The following BPNT2 variants were observed in gnomAD, a reference collection of about 807,000 sequenced individuals.
The protein encoded by BPNT2 is 3'(2'), 5'-bisphosphate nucleotidase 2, also known as Golgi-resident adenosine 3',5'-bisphosphate 3'-phosphatase.
In BPNT2, 11 loss-of-function variants were observed where a neutral mutation model predicts 29.3. The observed-to-expected ratio is 0.38, with a 90% CI of 0.24 to 0.62. The LOEUF (loss-of-function observed/expected upper bound fraction) is 0.62, where lower values mean the gene tolerates loss of function less well. Ranked by LOEUF, BPNT2 falls within the 20% of genes least tolerant of loss-of-function variation. The probability of loss-of-function intolerance (pLI) is 0.62; values close to 1 mark genes in which losing one functional copy is unlikely to be tolerated. For missense variants in BPNT2, 459 were observed against 473.4 expected (o/e 0.97, Z 0.28); for synonymous variants, 195 against 187.7 (o/e 1.04, Z -0.32).
chr8:56,971,197 A>G (rs1339746868), intron 3 of BPNT2, among the ~76,000 whole-genome samples: 2 of 150,662 alleles, frequency 1.3e-5, no homozygotes, highest in African/African-American at 4.9e-5. Context: ...TAAATGATGG[A>G]TGATAATGAG....
chr8:56,971,443 A>T (rs1806028959), intron 3 of BPNT2, among the ~76,000 whole-genome samples: 1 of 152,170 alleles, frequency 6.6e-6, no homozygotes, highest in African/African-American at 2.4e-5. Context: ...CCTTACATCC[A>T]GATATTTTTC....
chr8:56,983,845 T>C (rs1806285190), intron 1 of BPNT2, among the ~76,000 whole-genome samples: 1 of 151,960 alleles, frequency 6.6e-6, no homozygotes, highest in Non-Finnish European at 1.5e-5. Flanking sequence ...ACACAACATT[T>C]TGGGAAGAGG....
chr8:56,992,483 T>C (rs1019755025), intron 1 of BPNT2, among the ~76,000 whole-genome samples: 6 of 152,242 alleles, frequency 3.9e-5, no homozygotes, highest in Middle Eastern at 3.4e-3. Context: ...CTTAAGAAAA[T>C]GTCAACTCCC....
In BPNT2 at chr8:56,960,725, AC is replaced by A. The variant is rs749716007; in HGVS notation, c.*3067del. On this transcript the variant is annotated 3_prime_UTR_variant, in exon 5 of 5. Transcript: ENST00000262644. Reference sequence around the variant, plus strand: ...ACCCAACTCTCTTGTATTTTTTTTTACATTTACATTCTTGAACAATGGGTAG... The same window carrying A: ...ACCCAACTCTCTTGTATTTTTTTTTAATTTACATTCTTGAACAATGGGTAG... The A allele has an allele frequency of 3.9e-5, 6 of 152,050 alleles. No individual in the cohort carries two copies. The highest frequency in any genetic ancestry group is 7.4e-5 in the Non-Finnish European group (5 of 67,988). 9.4% of individuals were successfully genotyped at this position (152,050 alleles called of 1,614,324 possible).
At chr8:56,993,009 CTGAGT>C (rs1161374295) in intron 1 of BPNT2, among the ~76,000 whole-genome samples, 185 bp downstream of exon 1, 1 of 152,206 alleles carries the variant, frequency 6.6e-6, no homozygotes, top group Non-Finnish European at 1.5e-5. Flanking sequence ...GGCACGGGCC[CTGAGT>C]CAGACTACGT....
intron 4 of BPNT2, 78 bp downstream of exon 4, chr8:56,966,113 C>G: frequency 6.6e-7 from 1 of 1,505,062 alleles, no homozygotes; most frequent in Non-Finnish European, 9.2e-7. Context: ...CAAGCATGGA[C>G]AAGCAAATTA....
chr8:56,967,093 C>G, intron 3 of BPNT2: 1 of 455,074 alleles, frequency 2.2e-6, no homozygotes, highest in Non-Finnish European at 4.4e-6. Flanking sequence ...TAAAACTATA[C>G]AAGAGAACAA....
Position 56,993,300 on chromosome 8 carries a change from C to T in BPNT2, c.286G>A (p.Gly96Arg). ...TCCTCGGCTCCCTCGCGCGTCTTCC[C>T]CTTGGACTTCTCGTGGAGGACGTTG... The part of the protein sequence containing the change: ...ESNVLHEKSK[G>R]KTREGAEDKM... Residue 96 changes from glycine (G) to arginine (R), a missense_variant, in exon 1 of 5, where the codon GGG becomes AGG. Gly to Arg is a moderately radical substitution (Grantham distance 125). Coordinates refer to ENST00000262644, the MANE Select transcript of BPNT2 (RefSeq NM_017813.5). 1 of 1,612,274 alleles carries T rather than the reference C, an allele frequency of 6.2e-7. No individual in the cohort carries two copies. The highest frequency in any genetic ancestry group is 8.5e-7 in the Non-Finnish European group (1 of 1,179,954).
intron 2 of BPNT2, among the ~76,000 whole-genome samples, chr8:56,979,425 G>T (rs910577314): frequency 6.6e-6 from 1 of 152,096 alleles, no homozygotes; most frequent in African/African-American, 2.4e-5. Flanking sequence ...AAAGTTCTGT[G>T]CTGTAATTTT....
chr8:56,963,467 T>G lies in BPNT2; in HGVS notation c.*326A>C, dbSNP rs766732798. Reference sequence around the variant, plus strand: ...TATATGAAAGTACTAACAGTGAAGATTCATGATGTTGTGTGAAAATGGTGA... The same window carrying G: ...TATATGAAAGTACTAACAGTGAAGAGTCATGATGTTGTGTGAAAATGGTGA... On this transcript the variant is annotated 3_prime_UTR_variant, in exon 5 of 5. Transcript: ENST00000262644. The G allele has an allele frequency of 1.5e-5, 4 of 262,892 alleles. No individual in the cohort carries two copies. The highest frequency in any genetic ancestry group is 2.2e-5 in the African/African-American group (1 of 45,426). The allele number at this position is 262,892 out of a possible 1,614,324, so 16.3% of individuals were successfully genotyped here. A position where few individuals can be genotyped will look rare whatever the true frequency, so the allele number is the denominator to read the frequency against.
chr8:56,973,577 C>T lies in BPNT2; in HGVS notation c.646+4473G>A, dbSNP rs182549628. ...CAGATATTATTTTTAAAAGGTGGGGCGTAGAGGGTTTCAAGATAGGGATCT... is the reference window on the plus strand; with the variant it reads ...CAGATATTATTTTTAAAAGGTGGGGTGTAGAGGGTTTCAAGATAGGGATCT... On this transcript the variant is annotated intron_variant, in intron 3 of 4. Transcript: ENST00000262644. Among the ~76,000 whole-genome samples, 244 of 152,098 alleles carry T rather than the reference C, an allele frequency of 1.6e-3. 2 individuals are homozygous for T. Among genetic ancestry groups the T allele is most frequent in the African/African-American group, 5.5e-3 (228 of 41,466 alleles).
At position 56,993,668 on chromosome 8, in the gene BPNT2, C is replaced by T; in HGVS notation, c.-83G>A. 2 of 1,126,050 alleles carry T rather than the reference C, an allele frequency of 1.8e-6. No individual in the cohort carries two copies. The highest frequency in any genetic ancestry group is 4.2e-5 in the South Asian group (1 of 23,696). The allele number at this position is 1,126,050 out of a possible 1,614,324, so 69.8% of individuals were successfully genotyped here. ...CCGCCGCCGCCGCAGCCGCCGCGCT[C>T]CGGGCCAGGCGCCGCGCGGGCTACA... is the stretch of plus-strand genomic sequence containing the variant. On this transcript the variant is annotated 5_prime_UTR_variant, in exon 1 of 5. Transcript: ENST00000262644.
At chr8:56,991,440 C>A (rs930291529) in intron 1 of BPNT2, among the ~76,000 whole-genome samples, 2 of 152,156 alleles carry the variant, frequency 1.3e-5, no homozygotes, top group African/African-American at 4.8e-5. Flanking sequence ...CACACACATA[C>A]AGATGTGTTT....
At chr8:56,988,868 TAC>T (rs1806367382) in intron 1 of BPNT2, among the ~76,000 whole-genome samples, 1 of 152,222 alleles carries the variant, frequency 6.6e-6, no homozygotes, top group Non-Finnish European at 1.5e-5. Flanking sequence ...TTGTGAAAGC[TAC>T]AGAGGAGTTA....
chr8:56,966,497 T>A, intron 3 of BPNT2, 145 bp from the exon 4 acceptor site: 1 of 704,912 alleles, frequency 1.4e-6, no homozygotes, highest in Non-Finnish European at 2.4e-6. Context: ...AACAGAAAGC[T>A]TTTTTTTTCA....
chr8:56,990,290 A>C (rs1806397467), intron 1 of BPNT2, among the ~76,000 whole-genome samples: 1 of 152,224 alleles, frequency 6.6e-6, no homozygotes, highest in Non-Finnish European at 1.5e-5. Flanking sequence ...CATTAAATCA[A>C]AACTATAAAT....
At chr8:56,975,419 G>A (rs950120028) in intron 3 of BPNT2, among the ~76,000 whole-genome samples, 1 of 152,044 alleles carries the variant, frequency 6.6e-6, no homozygotes, top group African/African-American at 2.4e-5. Context: ...AAGAAAAAGA[G>A]GGATTCAAAG....
chr8:56,967,719 G>A (rs1805974401), intron 3 of BPNT2, among the ~76,000 whole-genome samples: 1 of 152,290 alleles, frequency 6.6e-6, no homozygotes, highest in East Asian at 1.9e-4. Context: ...GGATGATGAT[G>A]TAAGACATCT....
At position 56,980,819 on chromosome 8, in the gene BPNT2, TACACACAC is replaced by T. The variant is rs71258552; in HGVS notation, c.388-630_388-623del. On this transcript the variant is annotated intron_variant, in intron 1 of 4. Coordinates refer to ENST00000262644, the MANE Select transcript of BPNT2 (RefSeq NM_017813.5). ...CCCCACACCCTTACATACATACATATACACACACACACACACACACACACACACACACA... is the reference window on the plus strand; with the variant it reads ...CCCCACACCCTTACATACATACATATACACACACACACACACACACACACA... 5.5e-4 allele frequency among the ~76,000 whole-genome samples: 78 copies of T among 141,502 alleles called. 1 individual carries two copies. In the East Asian group the frequency reaches 0.01, roughly 18 times the overall value. 92.8% of individuals were successfully genotyped at this position (141,502 alleles called of 152,430 possible).
Sources: gnomAD v4.1 joint callset for allele counts (sites outside exome capture counted in the v4.1 genomes callset) on GRCh38, gnomAD v4.1.1 for gene constraint, MANE v1.5 for transcripts, NCBI Gene and HGNC (gene_info 2026-07-23, HGNC 2026-07-21) for gene names.